The following NHEJ1 variants were observed in gnomAD, a reference collection of about 807,000 sequenced individuals.
The protein encoded by NHEJ1 is non-homologous end joining factor 1.
Under a neutral mutation model 39.4 loss-of-function variants are expected in NHEJ1, and 22 were observed. The observed-to-expected ratio is 0.56, with a 90% confidence interval of 0.40 to 0.80. NHEJ1 has a LOEUF of 0.80. Ranked by LOEUF, NHEJ1 falls within the 30% of genes least tolerant of loss-of-function variation. NHEJ1 has a pLI of 0.00. For synonymous variants in NHEJ1, 154 were observed against 135.6 expected, an observed-to-expected ratio of 1.14 and a Z score of -0.94; for missense variants, 329 against 357.1, an observed-to-expected ratio of 0.92 and a Z score of 0.63.
At chr2:219,159,936 G>T (rs1031087382) in intron 1 of NHEJ1, among the ~76,000 whole-genome samples, 3 of 152,076 alleles carry the variant, frequency 2.0e-5, no homozygotes, top group Admixed American at 6.6e-5. Context: ...TTGGGTAAAG[G>T]GGGAGGAGTT....
intron 5 of NHEJ1, among the ~76,000 whole-genome samples, chr2:219,146,315 T>C (rs973345890): frequency 7.9e-5 from 12 of 152,174 alleles, no homozygotes; most frequent in South Asian, 2.1e-4. Flanking sequence ...AGACAAGTAA[T>C]GACGCCTACC....
chr2:219,110,270 C>A (rs752471200), intron 5 of NHEJ1, among the ~76,000 whole-genome samples: 24 of 152,162 alleles, frequency 1.6e-4, no homozygotes, highest in Non-Finnish European at 3.1e-4. Context: ...AATCCCAGCA[C>A]TTTGGGATGC....
At chr2:219,100,518 T>A (rs189541654) in intron 5 of NHEJ1, among the ~76,000 whole-genome samples, 1 of 148,706 alleles carries the variant, frequency 6.7e-6, no homozygotes, top group Admixed American at 6.7e-5. Flanking sequence ...GACTGAGGCA[T>A]GAGAATCATT....
chr2:219,137,570 CAAAAA>C (rs58279021), intron 5 of NHEJ1, among the ~76,000 whole-genome samples: 13 of 34,726 alleles, frequency 3.7e-4, no homozygotes, highest in Admixed American at 1.9e-3. Flanking sequence ...GTGTTACAGG[CAAAAA>C]AAAAAAAAAA....
intron 5 of NHEJ1, among the ~76,000 whole-genome samples, chr2:219,112,655 AAGG>A (rs1949376281): frequency 6.6e-6 from 1 of 152,162 alleles, no homozygotes; most frequent in African/African-American, 2.4e-5. Flanking sequence ...TCCAGATATG[AAGG>A]AGGAGAAAGG....
chr2:219,080,642 T>G (rs1373918353), intron 5 of NHEJ1, among the ~76,000 whole-genome samples: 1 of 104,722 alleles, frequency 9.5e-6, no homozygotes, highest in Admixed American at 8.9e-5. Flanking sequence ...TATATAAGCT[T>G]ATATATATGC....
intron 5 of NHEJ1, among the ~76,000 whole-genome samples, chr2:219,082,134 A>G (rs993889151): frequency 6.6e-6 from 1 of 152,200 alleles, no homozygotes; most frequent in African/African-American, 2.4e-5. Context: ...ACATTTACCT[A>G]AACTCTTAGT....
chr2:219,093,893 G>A (rs1949183269), intron 5 of NHEJ1, among the ~76,000 whole-genome samples: 1 of 152,200 alleles, frequency 6.6e-6, no homozygotes, highest in Non-Finnish European at 1.5e-5. Context: ...AGCACGGAAC[G>A]TGTGTGGAGG....
chr2:219,151,074 G>GC (rs1949790827), intron 3 of NHEJ1, among the ~76,000 whole-genome samples: 1 of 150,034 alleles, frequency 6.7e-6, no homozygotes, highest in African/African-American at 2.5e-5. Context: ...GTTGCAGTGG[G>GC]CTGAGATTGC....
In NHEJ1 at chr2:219,151,372, T is replaced by C. The variant is rs12619165; in HGVS notation, c.391-3577A>G. Among the ~76,000 whole-genome samples the C allele has an allele frequency of 0.038, 5,859 of 152,222 alleles. 779 individuals are homozygous for C. The East Asian group carries it at 0.47, about 12-fold the overall frequency. ...CAATTTCCTCGAGTGACAGTAAATA[T>C]TGTATAAAAACATGAAACATGACAA... is the stretch of plus-strand genomic sequence containing the variant. On this transcript the variant is annotated intron_variant, in intron 3 of 7. Transcript: ENST00000356853.
chr2:219,076,715 G>GT (rs1375572625), intron 7 of NHEJ1, among the ~76,000 whole-genome samples: 1 of 151,860 alleles, frequency 6.6e-6, no homozygotes, highest in African/African-American at 2.4e-5. Flanking sequence ...GGCTAATTTT[G>GT]TTTTTTGTAA....
intron 5 of NHEJ1, among the ~76,000 whole-genome samples, chr2:219,101,471 T>A (rs1045795447): frequency 6.6e-6 from 1 of 151,894 alleles, no homozygotes; most frequent in Admixed American, 6.6e-5. Flanking sequence ...AATGCAGTGG[T>A]GGGATCATAG....
intron 5 of NHEJ1, among the ~76,000 whole-genome samples, chr2:219,135,002 T>G (rs150982338): frequency 7.3e-6 from 1 of 137,806 alleles, no homozygotes; most frequent in African/African-American, 2.7e-5. Context: ...ATCGTGCCAT[T>G]GCACTCCAGC....
At position 219,109,454 on chromosome 2, in the gene NHEJ1, C is replaced by T. The variant is rs146080617; in HGVS notation, c.589-31248G>A. Among the ~76,000 whole-genome samples, 100 of 152,350 alleles carry T rather than the reference C, an allele frequency of 6.6e-4. 1 individual carries two copies. The highest frequency in any genetic ancestry group is 1.1e-3 in the Non-Finnish European group (75 of 68,034). ...TGGCCATTAAAGTTTATAAGTCAGA[C>T]GGGCACCAACGTGAAGGATCAAGAA... On this transcript the variant is annotated intron_variant, in intron 5 of 7. Coordinates refer to ENST00000356853, the MANE Select transcript of NHEJ1 (RefSeq NM_024782.3).
chr2:219,134,934 G>T (rs1949611247), intron 5 of NHEJ1, among the ~76,000 whole-genome samples: 2 of 151,688 alleles, frequency 1.3e-5, no homozygotes, highest in African/African-American at 2.4e-5. Flanking sequence ...CAGCTACTCG[G>T]GATGCTGAGG....
intron 5 of NHEJ1, among the ~76,000 whole-genome samples, chr2:219,102,025 T>C (rs898540170): frequency 1.3e-5 from 2 of 152,174 alleles, no homozygotes; most frequent in Non-Finnish European, 2.9e-5. Context: ...CACCCAGCCC[T>C]CATTCTTTTT....
intron 5 of NHEJ1, among the ~76,000 whole-genome samples, chr2:219,113,916 T>C (rs9784128): frequency 0.73 from 110,484 of 152,096 alleles, 40,606 homozygotes; most frequent in Non-Finnish European, 0.77. Context: ...AGGAGAAGCC[T>C]GAAACAGAAC....
chr2:219,128,914 C>T (rs1014295553), intron 5 of NHEJ1, among the ~76,000 whole-genome samples: 1 of 152,202 alleles, frequency 6.6e-6, no homozygotes, highest in Admixed American at 6.5e-5. Flanking sequence ...ACAACTCTTC[C>T]AATGCACTTC....
chr2:219,124,945 C>T (rs1365107694), intron 5 of NHEJ1, among the ~76,000 whole-genome samples: 1 of 152,054 alleles, frequency 6.6e-6, no homozygotes, highest in African/African-American at 2.4e-5. Flanking sequence ...ACTGAGGGGC[C>T]CCCTTCAGAT....
Sources: gnomAD v4.1 joint callset for allele counts (sites outside exome capture counted in the v4.1 genomes callset) on GRCh38, gnomAD v4.1.1 for gene constraint, MANE v1.5 for transcripts, NCBI Gene and HGNC (gene_info 2026-07-23, HGNC 2026-07-21) for gene names.